SOX5: variants seen among roughly 807,000 people sequenced by gnomAD.
SOX5 encodes SRY-box transcription factor 5.
A neutral mutation model predicts 92.0 loss-of-function variants in SOX5; 9 were observed. That is an observed-to-expected ratio of 0.10 (90% CI 0.06 to 0.17). The LOEUF (loss-of-function observed/expected upper bound fraction) is 0.17, where lower values mean the gene tolerates loss of function less well. Among genes scored for constraint, SOX5 ranks in the 10% least tolerant of loss-of-function variants. The probability of loss-of-function intolerance (pLI) is 1.00; values close to 1 mark genes in which losing one functional copy is unlikely to be tolerated. For missense variants in SOX5, 642 were observed against 944.5 expected (o/e 0.68, Z 4.20); for synonymous variants, 344 against 336.3 (o/e 1.02, Z -0.25).
chr12:23,541,916 G>A (rs1591893372), intron 13 of SOX5, among the ~76,000 whole-genome samples: 1 of 152,172 alleles, frequency 6.6e-6, no homozygotes, highest in South Asian at 2.1e-4. Flanking sequence ...TTCGAGGCCA[G>A]CCTGGCCAAA....
chr12:24,339,836 G>T (rs1952367967), intron 2 of SOX5, among the ~76,000 whole-genome samples: 1 of 152,226 alleles, frequency 6.6e-6, no homozygotes, highest in African/African-American at 2.4e-5. Flanking sequence ...TATAAGGAAA[G>T]TTGGTGCAGA....
chr12:23,824,986 A>G (rs2096201202), intron 3 of SOX5, among the ~76,000 whole-genome samples: 1 of 152,116 alleles, frequency 6.6e-6, no homozygotes, highest in Non-Finnish European at 1.5e-5. Context: ...TGCTGTGCTG[A>G]CAGTGAGAAT....
At chr12:24,254,218 T>C (rs988001059) in intron 3 of SOX5, among the ~76,000 whole-genome samples, 1 of 152,074 alleles carries the variant, frequency 6.6e-6, no homozygotes, top group African/African-American at 2.4e-5. Context: ...CATCGGGACA[T>C]AATTTTTAAA....
intron 4 of SOX5, among the ~76,000 whole-genome samples, chr12:24,111,589 C>T (rs1947351886): frequency 6.6e-6 from 1 of 152,014 alleles, no homozygotes; most frequent in African/African-American, 2.4e-5. Flanking sequence ...TCAGAAATTC[C>T]AGTAATTCAC....
chr12:23,949,713 T>TGGGGGGGGGGGGGG, upstream of SOX5: 1 of 1,271,980 alleles, frequency 7.9e-7, no homozygotes, highest in Non-Finnish European at 1.0e-6. Flanking sequence ...CTCTGTCTCT[T>TGGGGGGGGGGGGGG]CCCCCCCTCC....
At chr12:24,424,811 G>A (rs537720317) in intron 1 of SOX5, among the ~76,000 whole-genome samples, 2 of 149,322 alleles carry the variant, frequency 1.3e-5, no homozygotes, top group Non-Finnish European at 3.0e-5. Context: ...TTTTTTTTGG[G>A]GGGGGGGGAT....
At chr12:23,963,765 TAAA>T (rs60053598) in intron 4 of SOX5, among the ~76,000 whole-genome samples, 3 of 125,856 alleles carry the variant, frequency 2.4e-5, no homozygotes, top group African/African-American at 9.0e-5. Context: ...ATGAATGAAG[TAAA>T]AAAAAAAAAA....
intron 4 of SOX5, among the ~76,000 whole-genome samples, chr12:24,118,118 A>G (rs1032690569): frequency 2.0e-5 from 3 of 151,988 alleles, no homozygotes; most frequent in African/African-American, 7.2e-5. Flanking sequence ...GGATGAGGAA[A>G]ACGGAGATGT....
At chr12:23,806,213 A>G (rs1236776685) in intron 3 of SOX5, among the ~76,000 whole-genome samples, 1 of 152,174 alleles carries the variant, frequency 6.6e-6, no homozygotes, top group Non-Finnish European at 1.5e-5. Flanking sequence ...CTACAGTTCA[A>G]TGAAAAAAAT....
At chr12:24,018,798 GA>G (rs1222945984) in intron 4 of SOX5, among the ~76,000 whole-genome samples, 2 of 151,438 alleles carry the variant, frequency 1.3e-5, no homozygotes, top group African/African-American at 4.9e-5. Context: ...ACTCTGTCTG[GA>G]AAAAAAATAA....
rs34841595 is a variant in SOX5, at chr12:23,758,008, C to CAAAAAAAAAAAAA, written c.482-2297_482-2285dup. ...GTACTTGACTTTTAAGCACACACTA[C>CAAAAAAAAAAAAA]AAAAAAAAAAAAAAAAAAAAAAAAA... On this transcript the variant is annotated intron_variant, in intron 3 of 14. Transcript: ENST00000451604. 7.3e-5 allele frequency among the ~76,000 whole-genome samples: 5 copies of CAAAAAAAAAAAAA among 68,218 alleles called. 1 individual carries two copies. The highest frequency in any genetic ancestry group is 3.5e-4 in the African/African-American group (5 of 14,438). The allele number at this position is 68,218 out of a possible 152,430, so 44.8% of individuals were successfully genotyped here. A position where few individuals can be genotyped will look rare whatever the true frequency, so the allele number is the denominator to read the frequency against.
At chr12:24,053,253 G>T (rs761991458) in intron 4 of SOX5, among the ~76,000 whole-genome samples, 1 of 145,430 alleles carries the variant, frequency 6.9e-6, no homozygotes, top group Non-Finnish European at 1.5e-5. Flanking sequence ...TCAGCCTCCC[G>T]AGTAGCTGGG....
chr12:23,556,118 G>T (rs1469932176), intron 11 of SOX5, among the ~76,000 whole-genome samples: 2 of 152,056 alleles, frequency 1.3e-5, no homozygotes, highest in Non-Finnish European at 2.9e-5. Flanking sequence ...CTCCCCTCCT[G>T]TCCCATAAGA....
chr12:24,559,373 T>G (rs528529811), intron 1 of SOX5, among the ~76,000 whole-genome samples: 2 of 152,202 alleles, frequency 1.3e-5, no homozygotes, highest in South Asian at 2.1e-4. Context: ...GCTGGAAATC[T>G]AAACAGTATT....
intron 1 of SOX5, among the ~76,000 whole-genome samples, chr12:24,508,583 A>G (rs1180611945): frequency 3.3e-5 from 5 of 152,208 alleles, no homozygotes; most frequent in South Asian, 2.1e-4. Context: ...ATCAGTCACA[A>G]CAGAGCTATA....
At chr12:23,754,456 T>C (rs1255403792) in intron 4 of SOX5, among the ~76,000 whole-genome samples, 1 of 151,856 alleles carries the variant, frequency 6.6e-6, no homozygotes, top group Non-Finnish European at 1.5e-5. Context: ...TTAAGGCATA[T>C]TGATTCTCAT....
At chr12:24,220,523 A>G (rs1390901172) in intron 3 of SOX5, among the ~76,000 whole-genome samples, 3 of 152,200 alleles carry the variant, frequency 2.0e-5, no homozygotes, top group Non-Finnish European at 4.4e-5. Context: ...TCCTAATAAT[A>G]AAAGGGCTAT....
intron 2 of SOX5, among the ~76,000 whole-genome samples, chr12:23,864,414 A>C (rs1440420506): frequency 6.6e-6 from 1 of 152,194 alleles, no homozygotes; most frequent in East Asian, 1.9e-4. Context: ...TATTATACTT[A>C]GTGAGAAAGG....
chr12:24,031,202 T>TATAC (rs1955474429), intron 4 of SOX5, among the ~76,000 whole-genome samples: 1 of 147,484 alleles, frequency 6.8e-6, no homozygotes, highest in African/African-American at 2.5e-5. Context: ...CTACTAGTTA[T>TATAC]ATATATATAT....
Sources: allele counts gnomAD v4.1 joint callset (sites outside exome capture counted in the v4.1 genomes callset), GRCh38; gene constraint gnomAD v4.1.1; transcripts MANE v1.5; gene names NCBI Gene and HGNC (gene_info 2026-07-23, HGNC 2026-07-21).